The following LY96 variants were observed in gnomAD, a reference collection of about 807,000 sequenced individuals.
The protein encoded by LY96 is myeloid differentiation protein-2.
LY96 carries 18 observed loss-of-function variants against 18.9 expected under a neutral mutation model. The ratio of observed to expected loss-of-function variants is 0.95; its 90% CI spans 0.66 to 1.41. The LOEUF (loss-of-function observed/expected upper bound fraction) is 1.41. Ranked by LOEUF, LY96 falls within the 40% of genes most tolerant of loss-of-function variation. The pLI is 0.00. For missense variants in LY96, 175 were observed against 182.4 expected (o/e 0.96, Z 0.23); for synonymous variants, 66 against 62.6 (o/e 1.06, Z -0.26).
chr8:74,059,596 C>T, the LY96 span, among the ~76,000 whole-genome samples: 2 of 152,064 alleles, frequency 1.3e-5, no homozygotes, highest in Non-Finnish European at 2.9e-5. Context: ...ATTCACCTTC[C>T]TTATGGAAAA....
At chr8:74,098,757 C>G in the LY96 span, among the ~76,000 whole-genome samples, 1 of 152,154 alleles carries the variant, frequency 6.6e-6, no homozygotes, top group Non-Finnish European at 1.5e-5. Flanking sequence ...TATTATTAGC[C>G]CTTTTAGAAT....
chr8:73,994,233 A>G (rs538391552), intron 1 of LY96, among the ~76,000 whole-genome samples: 2 of 152,158 alleles, frequency 1.3e-5, no homozygotes, highest in African/African-American at 4.8e-5. Flanking sequence ...CCCACTGACA[A>G]AGGGACTGTG....
intron 3 of LY96, among the ~76,000 whole-genome samples, chr8:74,022,697 GC>G (rs1816794648): frequency 6.6e-6 from 1 of 150,586 alleles, no homozygotes; most frequent in Non-Finnish European, 1.5e-5. Flanking sequence ...TCCTGCCCCA[GC>G]CTCCCCAGTA....
At chr8:74,070,831 T>C in the LY96 span, among the ~76,000 whole-genome samples, 1 of 152,218 alleles carries the variant, frequency 6.6e-6, no homozygotes, top group South Asian at 2.1e-4. Flanking sequence ...TGACATTTTA[T>C]GGATACATTT....
the LY96 span, among the ~76,000 whole-genome samples, chr8:74,069,855 G>A: frequency 1.3e-5 from 2 of 152,164 alleles, no homozygotes; most frequent in African/African-American, 4.8e-5. Context: ...TCCTGCCTTG[G>A]CCTCCCAAAG....
chr8:74,058,052 A>G, the LY96 span, among the ~76,000 whole-genome samples: 1 of 152,148 alleles, frequency 6.6e-6, no homozygotes, highest in Non-Finnish European at 1.5e-5. Context: ...GTCCTGTTTG[A>G]AGAGGATACT....
At chr8:74,053,676 A>C in the LY96 span, among the ~76,000 whole-genome samples, 1 of 152,376 alleles carries the variant, frequency 6.6e-6, no homozygotes, top group South Asian at 2.1e-4. Flanking sequence ...GTTGTAAGTA[A>C]CACAAACTCC....
At chr8:74,038,198 T>A in the LY96 span, among the ~76,000 whole-genome samples, 2 of 152,316 alleles carry the variant, frequency 1.3e-5, no homozygotes, top group East Asian at 3.9e-4. Context: ...TACAAACAAT[T>A]GAATTATACT....
intron 3 of LY96, among the ~76,000 whole-genome samples, chr8:74,014,261 A>AC (rs1816592073): frequency 6.6e-6 from 1 of 151,594 alleles, no homozygotes; most frequent in African/African-American, 2.4e-5. Context: ...AAAAAAAAAA[A>AC]AAATTAGCTG....
intron 1 of LY96, among the ~76,000 whole-genome samples, chr8:73,999,569 G>T (rs1374024036): frequency 6.6e-6 from 1 of 152,164 alleles, no homozygotes; most frequent in Admixed American, 6.5e-5. Flanking sequence ...CTGAAAGCTT[G>T]TTGACAGTAT....
the LY96 span, among the ~76,000 whole-genome samples, chr8:74,066,147 T>G: frequency 6.6e-6 from 1 of 152,038 alleles, no homozygotes; most frequent in Admixed American, 6.6e-5. Flanking sequence ...ACCAGCAGAT[T>G]CAGTTTCTGG....
At chr8:74,052,049 CAAGAAAAAAGA>C in the LY96 span, among the ~76,000 whole-genome samples, 1 of 150,644 alleles carries the variant, frequency 6.6e-6, no homozygotes, top group African/African-American at 2.4e-5. Context: ...AGGTGTAAAA[CAAGAAAAAAGA>C]AAGGAAAAAT....
chr8:74,004,482 A>T (rs7001511), intron 1 of LY96, among the ~76,000 whole-genome samples: 37,775 of 152,128 alleles, frequency 0.25, 4,999 homozygotes, highest in South Asian at 0.3. Context: ...ACAGTGTCCC[A>T]AGTCTCCCTA....
chr8:74,094,915 A>G, the LY96 span, among the ~76,000 whole-genome samples: 1 of 152,214 alleles, frequency 6.6e-6, no homozygotes. Context: ...GACAGTTCTA[A>G]ATGGGTAACT....
At chr8:74,098,246 G>A in the LY96 span, among the ~76,000 whole-genome samples, 1 of 152,002 alleles carries the variant, frequency 6.6e-6, no homozygotes, top group African/African-American at 2.4e-5. Flanking sequence ...GAAGACCCAG[G>A]ATTTCTTTTG....
chr8:74,033,588 A>T (rs997894699), downstream of LY96, among the ~76,000 whole-genome samples: 2 of 152,228 alleles, frequency 1.3e-5, no homozygotes, highest in Admixed American at 6.5e-5. Context: ...AAGCTGCTAG[A>T]TTCTGCAGTG....
the LY96 span, among the ~76,000 whole-genome samples, chr8:74,092,235 C>T: frequency 6.6e-6 from 1 of 152,196 alleles, no homozygotes; most frequent in Non-Finnish European, 1.5e-5. Context: ...GAAGCACCAA[C>T]TAAGTCTGTT....
In LY96 at chr8:73,996,372, C is replaced by CCTTCATTTCTTTCTTTCTTTCTTTCTTT. The variant is rs1816135382; in HGVS notation, c.112+4821_112+4822insCATTTCTTTCTTTCTTTCTTTCTTTCTT. ...TCCTTCCTTCCTTCCTTCCTTCATT[C>CCTTCATTTCTTTCTTTCTTTCTTTCTTT]CTTTCTTTCTTTCTTTCTTTCTTTC... On this transcript the variant is annotated intron_variant, in intron 1 of 4. Coordinates refer to ENST00000284818, the MANE Select transcript of LY96 (RefSeq NM_015364.5). Among the ~76,000 whole-genome samples, 135 of 111,006 alleles carry CCTTCATTTCTTTCTTTCTTTCTTTCTTT rather than the reference C, an allele frequency of 1.2e-3. 1 individual carries two copies. Among genetic ancestry groups the CCTTCATTTCTTTCTTTCTTTCTTTCTTT allele is most frequent in the Middle Eastern group, 4.6e-3 (1 of 216 alleles). 72.8% of individuals were successfully genotyped at this position (111,006 alleles called of 152,430 possible). A position where few individuals can be genotyped will look rare whatever the true frequency, so the allele number is the denominator to read the frequency against.
the LY96 span, among the ~76,000 whole-genome samples, chr8:74,090,728 T>G: frequency 2.0e-5 from 3 of 152,218 alleles, no homozygotes; most frequent in African/African-American, 7.2e-5. Flanking sequence ...AAATGTTAAA[T>G]GCAGTCTTAG....
Sources: allele counts gnomAD v4.1 joint callset (sites outside exome capture counted in the v4.1 genomes callset), GRCh38; gene constraint gnomAD v4.1.1; transcripts MANE v1.5; gene names NCBI Gene and HGNC (gene_info 2026-07-23, HGNC 2026-07-21).